MEGF11: variants seen among roughly 807,000 people sequenced by gnomAD.
MEGF11 encodes multiple EGF like domains 11, also known as multiple epidermal growth factor-like domains protein 11.
Under a neutral mutation model 146.6 loss-of-function variants are expected in MEGF11, and 126 were observed. That is an observed-to-expected ratio of 0.86 (90% CI 0.74 to 1.00). The LOEUF (loss-of-function observed/expected upper bound fraction) is 1.00, where lower values mean the gene tolerates loss of function less well. Ranked by LOEUF, MEGF11 falls within the 50% of genes least tolerant of loss-of-function variation. MEGF11 has a pLI of 0.00. For synonymous variants in MEGF11, 532 were observed against 583.4 expected (o/e 0.91, Z 1.27); for missense variants, 1,509 against 1,521.2 (o/e 0.99, Z 0.13).
chr15:65,916,746 C>T (rs1392301830), intron 17 of MEGF11, 82 bp downstream of exon 17: 2 of 1,553,672 alleles, frequency 1.3e-6, no homozygotes, highest in Non-Finnish European at 1.7e-6. Flanking sequence ...TCCCTCCCTG[C>T]TGGTCTGGAC....
intron 5 of MEGF11, among the ~76,000 whole-genome samples, chr15:66,033,851 C>T (rs1445959969): frequency 2.6e-5 from 4 of 152,180 alleles, no homozygotes; most frequent in Non-Finnish European, 4.4e-5. Context: ...GAGTGCAGCG[C>T]CATGATCTTG....
At chr15:65,957,792 C>A in intron 9 of MEGF11, 71 bp from the exon 10 acceptor site, 1 of 1,501,422 alleles carries the variant, frequency 6.7e-7, no homozygotes, top group Non-Finnish European at 9.2e-7. Flanking sequence ...CCTCTGTCTA[C>A]CCCAAGCCTG....
chr15:65,971,478 C>G (rs2081294172), intron 7 of MEGF11, among the ~76,000 whole-genome samples: 1 of 152,170 alleles, frequency 6.6e-6, no homozygotes, highest in Non-Finnish European at 1.5e-5. Flanking sequence ...CCAAGTCTTT[C>G]AGAGAGGTTG....
intron 9 of MEGF11, among the ~76,000 whole-genome samples, chr15:65,959,804 G>C (rs1489587638): frequency 6.6e-6 from 1 of 152,178 alleles, no homozygotes; most frequent in Non-Finnish European, 1.5e-5. Flanking sequence ...AGGTATTTGA[G>C]CCTGTATTTC....
chr15:66,203,659 C>G (rs1161122657), intron 1 of MEGF11, among the ~76,000 whole-genome samples: 8 of 152,200 alleles, frequency 5.3e-5, no homozygotes, highest in Non-Finnish European at 1.5e-5. Flanking sequence ...TTTCTACCCT[C>G]TCCACCAAAA....
At chr15:66,153,999 G>A (rs984858576) in intron 1 of MEGF11, among the ~76,000 whole-genome samples, 4 of 152,194 alleles carry the variant, frequency 2.6e-5, no homozygotes, top group Non-Finnish European at 4.4e-5. Flanking sequence ...GCTGCAGGGG[G>A]GCACTGCACA....
intron 5 of MEGF11, among the ~76,000 whole-genome samples, chr15:66,051,424 C>A (rs1397959531): frequency 6.6e-6 from 1 of 152,138 alleles, no homozygotes; most frequent in East Asian, 1.9e-4. Context: ...ACCTGGTCCA[C>A]CCCAGACCTA....
At chr15:65,947,043 T>G (rs535231319) in intron 10 of MEGF11, among the ~76,000 whole-genome samples, 1 of 152,174 alleles carries the variant, frequency 6.6e-6, no homozygotes, top group Non-Finnish European at 1.5e-5. Context: ...TTAAATAGAT[T>G]TTTTGTTATG....
At chr15:65,910,417 A>G (rs1444486588) in intron 21 of MEGF11, among the ~76,000 whole-genome samples, 1 of 152,074 alleles carries the variant, frequency 6.6e-6, no homozygotes, top group Admixed American at 6.5e-5. Flanking sequence ...TGCCTTGCTC[A>G]TGAACACACA....
chr15:66,001,664 A>G (rs1304708957), intron 5 of MEGF11, among the ~76,000 whole-genome samples: 2 of 150,912 alleles, frequency 1.3e-5, no homozygotes, highest in African/African-American at 2.4e-5. Flanking sequence ...TCCCCTCTCA[A>G]TGGCTGGGTC....
At chr15:65,962,918 C>T (rs2080915648) in intron 9 of MEGF11, among the ~76,000 whole-genome samples, 1 of 152,132 alleles carries the variant, frequency 6.6e-6, no homozygotes, top group South Asian at 2.1e-4. Context: ...GACAGTAAAG[C>T]AAATAATCAT....
At position 66,052,693 on chromosome 15, in the gene MEGF11, T is replaced by G. The variant is rs114072028; in HGVS notation, c.394+41709A>C. On this transcript the variant is annotated intron_variant, in intron 5 of 25. Coordinates refer to ENST00000395614, the MANE Select transcript of MEGF11 (RefSeq NM_001385028.1). ...GGGCCAACTCCCGAAACTACCATCA[T>G]CCAGGCCTCCCCTCAGTGGCTGTGA... Among the ~76,000 whole-genome samples, 610 of 152,280 alleles carry G rather than the reference T, an allele frequency of 4.0e-3. 7 individuals carry two copies. The highest frequency in any genetic ancestry group is 0.014 in the African/African-American group (585 of 41,562).
At chr15:66,022,847 C>CA (rs10579872) in intron 5 of MEGF11, among the ~76,000 whole-genome samples, 42 of 128,228 alleles carry the variant, frequency 3.3e-4, no homozygotes, top group African/African-American at 1.2e-3. Flanking sequence ...GACCCTGTCT[C>CA]AAAAAAAAAA....
chr15:66,238,109 C>T (rs745401386), intron 1 of MEGF11, among the ~76,000 whole-genome samples: 27 of 152,194 alleles, frequency 1.8e-4, no homozygotes, highest in Non-Finnish European at 3.5e-4. Flanking sequence ...GAGGGACTCT[C>T]AGCGCCTGCT....
chr15:66,194,128 A>G (rs546276654), intron 1 of MEGF11, among the ~76,000 whole-genome samples: 1 of 152,338 alleles, frequency 6.6e-6, no homozygotes, highest in Admixed American at 6.5e-5. Flanking sequence ...TGAGTGGATA[A>G]AGAAAATGTG....
intron 7 of MEGF11, chr15:65,971,308 A>G (rs573448893): frequency 1.2e-4 from 18 of 153,022 alleles, no homozygotes; most frequent in African/African-American, 4.1e-4. Context: ...GGATGATGAA[A>G]TCCTTTGTAA....
rs893716888 is a variant in MEGF11, at chr15:66,239,320, C to A, written c.-9+14285G>T. On this transcript the variant is annotated intron_variant, in intron 1 of 25. Transcript: ENST00000395614. ...CAACCCCCATCTGAATCTTTGTGGA[C>A]AAAGACATGTAGGCCTGAGCAAGGA... Among the ~76,000 whole-genome samples the A allele has an allele frequency of 4.6e-5, 7 of 152,172 alleles. 1 individual carries two copies. In the South Asian group the frequency reaches 1.5e-3, roughly 32 times the overall value.
intron 5 of MEGF11, among the ~76,000 whole-genome samples, chr15:66,067,020 GC>G (rs2085158600): frequency 6.6e-6 from 1 of 152,154 alleles, no homozygotes; most frequent in Non-Finnish European, 1.5e-5. Context: ...ATCTCTCTGG[GC>G]TTCGGTTTTC....
At chr15:65,972,707 T>G (rs1161676053) in intron 7 of MEGF11, among the ~76,000 whole-genome samples, 1 of 152,208 alleles carries the variant, frequency 6.6e-6, no homozygotes, top group African/African-American at 2.4e-5. Flanking sequence ...TACACCCAAC[T>G]AAACTAACAC....
Sources: allele counts gnomAD v4.1 joint callset (sites outside exome capture counted in the v4.1 genomes callset), GRCh38; gene constraint gnomAD v4.1.1; transcripts MANE v1.5; gene names NCBI Gene and HGNC (gene_info 2026-07-23, HGNC 2026-07-21).